WWOX: variants seen among roughly 807,000 people sequenced by gnomAD.
The protein encoded by WWOX is WW domain containing oxidoreductase.
A neutral mutation model predicts 46.2 loss-of-function variants in WWOX; 69 were observed. The observed-to-expected ratio is 1.49, with a 90% confidence interval of 1.23 to 1.82. WWOX has a LOEUF of 1.82. Among genes scored for constraint, WWOX ranks in the 40% most tolerant of loss-of-function variants. The probability of loss-of-function intolerance (pLI) is 0.00; values close to 1 mark genes in which losing one functional copy is unlikely to be tolerated. For missense variants in WWOX, 919 were observed against 542.6 expected (o/e 1.69, Z -6.89); for synonymous variants, 359 against 202.6 (o/e 1.77, Z -6.56).
rs977316376 is a variant in WWOX, at chr16:78,991,409, C to T, written c.1057-220199C>T. Among the ~76,000 whole-genome samples, 4 of 151,964 alleles carry T rather than the reference C, an allele frequency of 2.6e-5. No individual in the cohort carries two copies. The East Asian group carries it at 7.7e-4, about 29-fold the overall frequency. ...AGGAGTTTGAGGCCAGCCTGGTCAA[C>T]ACAAGGAGACTTCATCTCTATAAAT... is the stretch of plus-strand genomic sequence containing the variant. On this transcript the variant is annotated intron_variant, in intron 8 of 8. Transcript: ENST00000566780.
chr16:78,409,322 A>C (rs958364384), intron 6 of WWOX, among the ~76,000 whole-genome samples: 1 of 152,180 alleles, frequency 6.6e-6, no homozygotes, highest in African/African-American at 2.4e-5. Context: ...CAAGATACAG[A>C]ACAGTGCCAT....
chr16:78,920,430 C>T (rs1031898511), intron 8 of WWOX, among the ~76,000 whole-genome samples: 7 of 152,166 alleles, frequency 4.6e-5, no homozygotes, highest in African/African-American at 1.7e-4. Context: ...CCTAAGGTCC[C>T]AGCCACCTAT....
At chr16:78,220,920 G>C (rs74027943) in intron 5 of WWOX, among the ~76,000 whole-genome samples, 1 of 152,168 alleles carries the variant, frequency 6.6e-6, no homozygotes, top group South Asian at 2.1e-4. Context: ...TATCCACTGA[G>C]AAGCTTGCAT....
chr16:78,106,423 T>G (rs2032150602), intron 1 of WWOX, among the ~76,000 whole-genome samples: 1 of 143,808 alleles, frequency 7.0e-6, no homozygotes, highest in Non-Finnish European at 1.5e-5. Context: ...TTTTTTTTGT[T>G]TTTTTTTTTT....
intron 8 of WWOX, among the ~76,000 whole-genome samples, chr16:78,772,207 A>C (rs974860739): frequency 4.6e-5 from 7 of 152,154 alleles, no homozygotes; most frequent in African/African-American, 1.7e-4. Context: ...CTCTACCCTC[A>C]GGCAGGCCCC....
intron 7 of WWOX, among the ~76,000 whole-genome samples, chr16:78,427,525 CACAT>C (rs200578537): frequency 0.012 from 1,760 of 151,716 alleles, 28 homozygotes; most frequent in African/African-American, 0.04. Flanking sequence ...CACAAAATCA[CACAT>C]ACACGCACGC....
At chr16:78,488,073 C>G (rs2084684341) in intron 8 of WWOX, among the ~76,000 whole-genome samples, 1 of 152,162 alleles carries the variant, frequency 6.6e-6, no homozygotes, top group Non-Finnish European at 1.5e-5. Context: ...TGGTTCCAGC[C>G]TATTTTCTGA....
chr16:78,432,545 A>T lies in WWOX; in HGVS notation c.849A>T (p.Thr283=), dbSNP rs759599384. The change falls in exon 8 of 9, where the codon ACA becomes ACT. Residue 283 remains threonine, a synonymous_variant. Coordinates refer to ENST00000566780, the MANE Select transcript of WWOX (RefSeq NM_016373.4). ...TGGACTTCAGTCGCCTCTCTCCAACAAAAAACGACTATTGGGCGATGCTGG... is the reference window on the plus strand; with the variant it reads ...TGGACTTCAGTCGCCTCTCTCCAACTAAAAACGACTATTGGGCGATGCTGG... ...GKLDFSRLSP[T]KNDYWAMLAY... is the part of the protein sequence containing the mutation. 6.2e-7 allele frequency: 1 copy of T among 1,614,040 alleles called. No individual in the cohort carries two copies. Among genetic ancestry groups the T allele is most frequent in the African/African-American group, 1.3e-5 (1 of 74,928 alleles).
intron 8 of WWOX, among the ~76,000 whole-genome samples, chr16:78,700,255 G>C (rs780863186): frequency 4.0e-5 from 6 of 150,836 alleles, no homozygotes; most frequent in African/African-American, 1.2e-4. Context: ...TTTCTGGTGA[G>C]TGCTCTTTTC....
At chr16:78,956,239 G>C (rs914283177) in intron 8 of WWOX, among the ~76,000 whole-genome samples, 3 of 151,978 alleles carry the variant, frequency 2.0e-5, no homozygotes, top group Non-Finnish European at 4.4e-5. Context: ...TTGACCTCGA[G>C]GGCTCAAGCA....
At chr16:79,095,358 A>AT (rs2049047034) in intron 8 of WWOX, among the ~76,000 whole-genome samples, 1 of 152,122 alleles carries the variant, frequency 6.6e-6, no homozygotes, top group Non-Finnish European at 1.5e-5. Flanking sequence ...AATCCTCATA[A>AT]TGGTCCCTTG....
rs11864475 is a variant in WWOX, at chr16:78,972,364, G to A, written c.1057-239244G>A. Among the ~76,000 whole-genome samples, 1,430 of 151,986 alleles carry A rather than the reference G, an allele frequency of 9.4e-3. 27 individuals carry two copies. Among genetic ancestry groups the A allele is most frequent in the African/African-American group, 0.032 (1,345 of 41,408 alleles). ...GGATGGGAGCCGTGAAGTGAGCGCC[G>A]TGTATTTCAAAGCAGGATCTTAATC... is the stretch of plus-strand genomic sequence containing the variant. On this transcript the variant is annotated intron_variant, in intron 8 of 8. Coordinates refer to ENST00000566780, the MANE Select transcript of WWOX (RefSeq NM_016373.4).
At chr16:78,859,976 C>T (rs1336958642) in intron 8 of WWOX, among the ~76,000 whole-genome samples, 1 of 152,086 alleles carries the variant, frequency 6.6e-6, no homozygotes, top group African/African-American at 2.4e-5. Context: ...ATCCAGATAG[C>T]TATAGCAAAT....
chr16:79,081,444 A>G (rs926096486), intron 8 of WWOX, among the ~76,000 whole-genome samples: 2 of 152,296 alleles, frequency 1.3e-5, no homozygotes, highest in Admixed American at 1.3e-4. Context: ...GATTACAGGC[A>G]TGAGCCTAAC....
intron 8 of WWOX, among the ~76,000 whole-genome samples, chr16:79,101,992 C>G (rs923026041): frequency 6.9e-6 from 1 of 143,926 alleles, no homozygotes; most frequent in Non-Finnish European, 1.5e-5. Context: ...GCTGCATCAT[C>G]TTCCTCCTCC....
chr16:78,579,546 C>T (rs1018786657), intron 8 of WWOX, among the ~76,000 whole-genome samples: 1 of 152,024 alleles, frequency 6.6e-6, no homozygotes, highest in African/African-American at 2.4e-5. Flanking sequence ...AGGTGAGGTG[C>T]TGTGGTGCGC....
At chr16:78,472,784 G>T (rs1189167641) in intron 8 of WWOX, among the ~76,000 whole-genome samples, 2 of 143,944 alleles carry the variant, frequency 1.4e-5, no homozygotes, top group Non-Finnish European at 3.0e-5. Context: ...TCTCCAGCCT[G>T]GGCGACAAGA....
intron 5 of WWOX, among the ~76,000 whole-genome samples, chr16:78,374,527 A>ATTTTTTTTTTTTTTTT (rs541225697): frequency 1.6e-4 from 11 of 70,906 alleles, no homozygotes; most frequent in South Asian, 5.0e-4. Flanking sequence ...TCTGTCTTGA[A>ATTTTTTTTTTTTTTTT]TTTTTTTTTT....
At chr16:78,401,149 C>G (rs1489913525) in intron 6 of WWOX, among the ~76,000 whole-genome samples, 1 of 152,124 alleles carries the variant, frequency 6.6e-6, no homozygotes, top group Non-Finnish European at 1.5e-5. Flanking sequence ...GAATGATAGA[C>G]CTTCCATAGG....
Sources: allele counts gnomAD v4.1 joint callset (sites outside exome capture counted in the v4.1 genomes callset), GRCh38; gene constraint gnomAD v4.1.1; transcripts MANE v1.5; gene names NCBI Gene and HGNC (gene_info 2026-07-23, HGNC 2026-07-21).